The following MAML3 variants were observed in gnomAD, a reference collection of about 807,000 sequenced individuals.
The protein encoded by MAML3 is mastermind-like protein 3.
A neutral mutation model predicts 101.9 loss-of-function variants in MAML3; 27 were observed. The observed-to-expected ratio is 0.27, with a 90% confidence interval of 0.20 to 0.37. The LOEUF is 0.37. MAML3 is among the 10% of genes least tolerant of loss of function. MAML3 has a pLI of 1.00. For missense variants in MAML3, 1,316 were observed against 1,444.9 expected, an observed-to-expected ratio of 0.91 and a Z score of 1.45; for synonymous variants, 501 against 555.9, an observed-to-expected ratio of 0.90 and a Z score of 1.39.
chr4:139,832,812 G>T (rs1162167259), intron 2 of MAML3, among the ~76,000 whole-genome samples: 1 of 152,218 alleles, frequency 6.6e-6, no homozygotes, highest in African/African-American at 2.4e-5. Flanking sequence ...GAACTCAATG[G>T]TTATTAGGCA....
chr4:140,120,586 T>G (rs1305797276), intron 1 of MAML3, among the ~76,000 whole-genome samples: 1 of 152,220 alleles, frequency 6.6e-6, no homozygotes, highest in Non-Finnish European at 1.5e-5. Flanking sequence ...CATATAATCC[T>G]TTTCCCACAG....
intron 1 of MAML3, among the ~76,000 whole-genome samples, chr4:140,132,194 A>C (rs1333910343): frequency 6.6e-6 from 1 of 152,240 alleles, no homozygotes. Context: ...GAGGAGAGGC[A>C]CAGTCCACGA....
At chr4:139,741,992 G>C (rs979296860) in intron 2 of MAML3, among the ~76,000 whole-genome samples, 5 of 151,986 alleles carry the variant, frequency 3.3e-5, no homozygotes, top group Non-Finnish European at 1.5e-5. Context: ...GGAGACACAC[G>C]GGCATAAAAA....
At chr4:139,752,780 A>G (rs1305496808) in intron 2 of MAML3, among the ~76,000 whole-genome samples, 1 of 152,210 alleles carries the variant, frequency 6.6e-6, no homozygotes, top group African/African-American at 2.4e-5. Flanking sequence ...AGAAGAAAAA[A>G]AAGCTAGAGG....
At chr4:139,885,948 A>AG (rs1441706711) in intron 2 of MAML3, among the ~76,000 whole-genome samples, 1 of 144,894 alleles carries the variant, frequency 6.9e-6, no homozygotes, top group South Asian at 2.2e-4. Context: ...AAAAAAAAAA[A>AG]AAAAAAAAAG....
At chr4:139,823,748 G>A (rs561246501) in intron 2 of MAML3, among the ~76,000 whole-genome samples, 2 of 151,372 alleles carry the variant, frequency 1.3e-5, no homozygotes, top group East Asian at 3.9e-4. Context: ...CTGCTAGAAC[G>A]TAAGCTGCAC....
At chr4:140,150,496 T>A (rs1392378547) in intron 1 of MAML3, among the ~76,000 whole-genome samples, 1 of 152,202 alleles carries the variant, frequency 6.6e-6, no homozygotes, top group East Asian at 1.9e-4. Context: ...GGAACGGCAC[T>A]GGCTTTTGTT....
chr4:139,771,976 A>C (rs184061722), intron 2 of MAML3, among the ~76,000 whole-genome samples: 8,293 of 149,532 alleles, frequency 0.055, 266 homozygotes, highest in Middle Eastern at 0.082. Flanking sequence ...GCGGTGGCTC[A>C]CGCCTGTAAT....
intron 1 of MAML3, among the ~76,000 whole-genome samples, chr4:139,896,636 T>G (rs1188335829): frequency 1.8e-5 from 1 of 54,144 alleles, no homozygotes; most frequent in African/African-American, 5.9e-5. Flanking sequence ...GTGTGTGGTA[T>G]GTGGTGTGTG....
chr4:140,100,026 C>G (rs1445851864), intron 1 of MAML3, among the ~76,000 whole-genome samples: 1 of 152,132 alleles, frequency 6.6e-6, no homozygotes, highest in Non-Finnish European at 1.5e-5. Context: ...TCAACTCCCC[C>G]ATGACCACCC....
chr4:140,068,424 A>G (rs1727575442), intron 1 of MAML3, among the ~76,000 whole-genome samples: 1 of 152,238 alleles, frequency 6.6e-6, no homozygotes, highest in Admixed American at 6.5e-5. Context: ...TTTCAAAGAC[A>G]TGTAGTGGGT....
intron 1 of MAML3, among the ~76,000 whole-genome samples, chr4:140,076,187 A>G (rs916788418): frequency 4.0e-5 from 6 of 151,660 alleles, no homozygotes; most frequent in Non-Finnish European, 7.4e-5. Flanking sequence ...TATATAATAT[A>G]ATATAAAAGT....
intron 2 of MAML3, among the ~76,000 whole-genome samples, chr4:139,867,176 G>A (rs374950473): frequency 3.3e-5 from 5 of 152,166 alleles, no homozygotes; most frequent in South Asian, 2.1e-4. Flanking sequence ...TAACCATTCC[G>A]TCTGGATTGT....
chr4:139,981,545 CTAATGAACAAA>C (rs1243371170), intron 1 of MAML3, among the ~76,000 whole-genome samples: 3 of 152,148 alleles, frequency 2.0e-5, no homozygotes, highest in Non-Finnish European at 4.4e-5. Flanking sequence ...TTTGTCACAA[CTAATGAACAAA>C]TATTGACACA....
chr4:140,083,979 G>C (rs1032861676), intron 1 of MAML3, among the ~76,000 whole-genome samples: 22,924 of 103,440 alleles, frequency 0.22, 1,727 homozygotes, highest in East Asian at 0.28. Context: ...GAGAGAGAGA[G>C]AGAGAGAGAG....
chr4:139,959,446 C>A (rs1733969079), intron 1 of MAML3, among the ~76,000 whole-genome samples: 1 of 152,198 alleles, frequency 6.6e-6, no homozygotes, highest in Admixed American at 6.5e-5. Context: ...CAAGACATAT[C>A]TGCTTCATAC....
intron 1 of MAML3, among the ~76,000 whole-genome samples, chr4:140,151,990 C>T (rs1402999171): frequency 2.6e-5 from 4 of 152,196 alleles, no homozygotes; most frequent in East Asian, 3.9e-4. Flanking sequence ...AGAAAGACTC[C>T]GTGCACGCAA....
intron 2 of MAML3, among the ~76,000 whole-genome samples, chr4:139,754,576 A>G (rs1388589385): frequency 2.0e-5 from 3 of 152,228 alleles, no homozygotes; most frequent in African/African-American, 7.2e-5. Flanking sequence ...ACTTTTATGT[A>G]TATCTCTGAT....
chr4:140,024,233 T>C (rs981135340), intron 1 of MAML3, among the ~76,000 whole-genome samples: 9 of 152,096 alleles, frequency 5.9e-5, no homozygotes, highest in Admixed American at 5.2e-4. Context: ...ATTGATTTTT[T>C]TTTTTTTTTT....
Sources: gnomAD v4.1 joint callset for allele counts (sites outside exome capture counted in the v4.1 genomes callset) on GRCh38, gnomAD v4.1.1 for gene constraint, MANE v1.5 for transcripts, NCBI Gene and HGNC (gene_info 2026-07-23, HGNC 2026-07-21) for gene names.